TMEM272: variants seen among roughly 807,000 people sequenced by gnomAD.
The protein encoded by TMEM272 is long intergenic non-protein coding RNA 282.
A neutral mutation model predicts 3.7 loss-of-function variants in TMEM272; 8 were observed. The observed-to-expected ratio is 2.17, with a 90% CI of 1.27 to 3.91. The LOEUF is 3.91. Ranked by LOEUF, TMEM272 falls within the 30% of genes most tolerant of loss-of-function variation. The pLI, the probability that TMEM272 is intolerant of heterozygous loss-of-function variation, is 0.00. For synonymous variants in TMEM272, 63 were observed against 39.8 expected, an observed-to-expected ratio of 1.58 and a Z score of -2.20; for missense variants, 166 against 91.5, an observed-to-expected ratio of 1.81 and a Z score of -3.32.
chr13:51,845,527 G>GA (rs1956298139), upstream of TMEM272, among the ~76,000 whole-genome samples: 9 of 152,178 alleles, frequency 5.9e-5, no homozygotes, highest in South Asian at 1.4e-3. Flanking sequence ...GTAATGAGAG[G>GA]TGCCCTATGG....
intron 1 of TMEM272, among the ~76,000 whole-genome samples, chr13:51,840,311 TC>T (rs1169669515): frequency 1.3e-5 from 2 of 152,174 alleles, no homozygotes; most frequent in East Asian, 3.8e-4. Context: ...CCCTGGTCAG[TC>T]CTGTCATGCT....
chr13:51,904,715 A>G, the TMEM272 span, among the ~76,000 whole-genome samples: 2 of 152,190 alleles, frequency 1.3e-5, no homozygotes, highest in Non-Finnish European at 2.9e-5. Flanking sequence ...TGCTCATTGG[A>G]GCATTTTAGA....
At chr13:51,867,638 AT>A in the TMEM272 span, among the ~76,000 whole-genome samples, 1 of 152,128 alleles carries the variant, frequency 6.6e-6, no homozygotes, top group Non-Finnish European at 1.5e-5. Flanking sequence ...CAATGGAAAA[AT>A]TGGCGCTGGG....
intron 2 of TMEM272, among the ~76,000 whole-genome samples, chr13:51,836,805 C>T (rs1371359441): frequency 1.3e-5 from 2 of 152,064 alleles, no homozygotes; most frequent in Non-Finnish European, 2.9e-5. Flanking sequence ...TTGGAAGGCC[C>T]AGGGGGAAAA....
intron 3 of TMEM272, among the ~76,000 whole-genome samples, chr13:51,823,894 C>T (rs764029905): frequency 5.9e-5 from 9 of 152,170 alleles, no homozygotes; most frequent in Non-Finnish European, 1.0e-4. Flanking sequence ...CACGTTGATC[C>T]AATCATCAAC....
the TMEM272 span, among the ~76,000 whole-genome samples, chr13:51,861,180 G>T: frequency 6.6e-6 from 1 of 152,194 alleles, no homozygotes; most frequent in South Asian, 2.1e-4. Context: ...CACAGACAAA[G>T]AATAAAATGG....
At chr13:51,838,146 T>A (rs188075309) in intron 2 of TMEM272, among the ~76,000 whole-genome samples, 1 of 152,288 alleles carries the variant, frequency 6.6e-6, no homozygotes, top group Admixed American at 6.5e-5. Flanking sequence ...GTCCAAGGTG[T>A]CACATTGCCC....
the TMEM272 span, among the ~76,000 whole-genome samples, chr13:51,872,075 T>C: frequency 1.2e-3 from 185 of 152,300 alleles, no homozygotes; most frequent in Middle Eastern, 3.4e-3. Context: ...TGTCCAAGGA[T>C]CACGGGGCAC....
rs755979822 is a variant in TMEM272 at position 51,817,060 on chromosome 13, G to A, written c.255C>T (p.Ala85=). 10 of 702,840 alleles carry A rather than the reference G, an allele frequency of 1.4e-5. No individual in the cohort carries two copies. The highest frequency in any genetic ancestry group is 7.4e-5 in the South Asian group (5 of 67,606). The allele number at this position is 702,840 out of a possible 1,614,324, so 43.5% of individuals were successfully genotyped here. ...STRMRRLLSK[A]VVIDDDDDDE... Reference sequence around the variant, plus strand: ...CATCGTCATCGTCATCAATCACCACGGCCTTGGACAGCAGCCGCCTCATCC... The same window carrying A: ...CATCGTCATCGTCATCAATCACCACAGCCTTGGACAGCAGCCGCCTCATCC... Residue 85 remains alanine (A), a synonymous_variant, in exon 5 of 5, where the codon GCC becomes GCT. Transcript: ENST00000629372.
chr13:51,865,842 C>T, the TMEM272 span: 3 of 1,613,830 alleles, frequency 1.9e-6, no homozygotes, highest in Non-Finnish European at 2.5e-6. Context: ...GAGGACAAGG[C>T]CCTGTGGGAG....
At chr13:51,905,468 C>A in the TMEM272 span, among the ~76,000 whole-genome samples, 1 of 152,162 alleles carries the variant, frequency 6.6e-6, no homozygotes, top group Non-Finnish European at 1.5e-5. Flanking sequence ...CAAGGGAAGC[C>A]GGAGTTCCTC....
At chr13:51,888,021 A>G in the TMEM272 span, among the ~76,000 whole-genome samples, 15 of 150,808 alleles carry the variant, frequency 9.9e-5, no homozygotes, top group Non-Finnish European at 1.5e-5. Flanking sequence ...TGCATTATAC[A>G]TATTGTAATT....
the TMEM272 span, among the ~76,000 whole-genome samples, chr13:51,923,237 A>T: frequency 3.9e-5 from 6 of 152,288 alleles, no homozygotes; most frequent in Non-Finnish European, 7.4e-5. Flanking sequence ...TACACTTTTG[A>T]CAAACCAAGT....
the TMEM272 span, among the ~76,000 whole-genome samples, chr13:51,869,352 C>T: frequency 1.3e-5 from 2 of 152,118 alleles, no homozygotes; most frequent in African/African-American, 2.4e-5. Flanking sequence ...CATTAGACGT[C>T]GTGCTATCAA....
the TMEM272 span, among the ~76,000 whole-genome samples, chr13:51,870,530 C>T: frequency 6.6e-6 from 1 of 152,204 alleles, no homozygotes; most frequent in Non-Finnish European, 1.5e-5. Context: ...TCTACTCCCT[C>T]AAGTCCCGAT....
At chr13:51,833,315 G>A (rs1956188181) in intron 2 of TMEM272, among the ~76,000 whole-genome samples, 1 of 152,224 alleles carries the variant, frequency 6.6e-6, no homozygotes, top group Non-Finnish European at 1.5e-5. Flanking sequence ...ATTTTATTAG[G>A]AAGATAAAGA....
chr13:51,912,671 A>G, the TMEM272 span, among the ~76,000 whole-genome samples: 145 of 152,064 alleles, frequency 9.5e-4, 1 homozygote, highest in Non-Finnish European at 1.3e-3. Flanking sequence ...TGCCCCAGAC[A>G]TGTGGGCTAC....
the TMEM272 span, among the ~76,000 whole-genome samples, chr13:51,866,632 C>T: frequency 7.2e-5 from 11 of 152,332 alleles, no homozygotes; most frequent in East Asian, 3.9e-4. Flanking sequence ...AATCCCTGTA[C>T]GACCCACTCA....
chr13:51,897,590 A>G, the TMEM272 span, among the ~76,000 whole-genome samples: 114 of 151,920 alleles, frequency 7.5e-4, no homozygotes, highest in African/African-American at 2.5e-3. Flanking sequence ...GTCTGCCAAG[A>G]TGATTTCCTT....
Sources: gnomAD v4.1 joint callset for allele counts (sites outside exome capture counted in the v4.1 genomes callset) on GRCh38, gnomAD v4.1.1 for gene constraint, MANE v1.5 for transcripts, NCBI Gene and HGNC (gene_info 2026-07-23, HGNC 2026-07-21) for gene names.